The following RAPGEF4 variants were observed in gnomAD, a reference collection of about 807,000 sequenced individuals.
RAPGEF4 encodes Rap guanine nucleotide exchange factor 4, also known as RAP guanine-nucleotide-exchange factor (GEF) 4.
A neutral mutation model predicts 147.9 loss-of-function variants in RAPGEF4; 66 were observed. The ratio of observed to expected loss-of-function variants is 0.45; its 90% CI spans 0.37 to 0.55. The LOEUF is 0.55. RAPGEF4 is among the 20% of genes least tolerant of loss of function. The pLI, the probability that RAPGEF4 is intolerant of heterozygous loss-of-function variation, is 0.00. For missense variants in RAPGEF4, 1,071 were observed against 1,257.3 expected (o/e 0.85, Z 2.24); for synonymous variants, 419 against 442.7 (o/e 0.95, Z 0.67).
chr2:172,933,634 G>T (rs1055375017), intron 6 of RAPGEF4, among the ~76,000 whole-genome samples: 4 of 152,322 alleles, frequency 2.6e-5, no homozygotes, highest in Middle Eastern at 6.8e-3. Flanking sequence ...GTGTCTGAAA[G>T]AAATGAAATA....
chr2:173,034,040 C>A, intron 27 of RAPGEF4, 76 bp downstream of exon 27: 1 of 1,420,088 alleles, frequency 7.0e-7, no homozygotes, highest in South Asian at 1.3e-5. Flanking sequence ...TTGAAGTTCT[C>A]ATTTTGGAAA....
chr2:172,993,070 G>C (rs1338139575), intron 15 of RAPGEF4, among the ~76,000 whole-genome samples: 1 of 152,154 alleles, frequency 6.6e-6, no homozygotes, highest in East Asian at 1.9e-4. Flanking sequence ...CACCATGTTG[G>C]TGCTGCTAAT....
intron 4 of RAPGEF4, chr2:172,821,808 A>G (rs1689095003): frequency 7.4e-7 from 1 of 1,348,022 alleles, no homozygotes; most frequent in Non-Finnish European, 9.6e-7. Context: ...TTCCTGGAGA[A>G]CCATCAGCAC....
At chr2:173,013,990 C>T (rs759763188) in intron 17 of RAPGEF4, among the ~76,000 whole-genome samples, 10 of 152,268 alleles carry the variant, frequency 6.6e-5, no homozygotes, top group Non-Finnish European at 1.5e-4. Flanking sequence ...GCCATGGTCC[C>T]AGCAGGACTA....
At chr2:172,752,120 A>G (rs1418562805) in intron 1 of RAPGEF4, among the ~76,000 whole-genome samples, 1 of 8,296 alleles carries the variant, frequency 1.2e-4, no homozygotes, top group South Asian at 0.018. Context: ...GCTTTTGATC[A>G]TGGATGCTGA....
At chr2:172,788,007 C>T (rs1685395541) in intron 1 of RAPGEF4, among the ~76,000 whole-genome samples, 1 of 152,108 alleles carries the variant, frequency 6.6e-6, no homozygotes, top group Non-Finnish European at 1.5e-5. Context: ...GATCAAGATG[C>T]TGGTAGATTT....
chr2:172,736,279 G>A, intron 1 of RAPGEF4: 2 of 327,862 alleles, frequency 6.1e-6, no homozygotes, highest in South Asian at 2.1e-4. Flanking sequence ...AAAATGCAGC[G>A]CAGTAAGGGG....
At chr2:172,962,955 G>T (rs1032320679) in intron 8 of RAPGEF4, among the ~76,000 whole-genome samples, 2 of 152,040 alleles carry the variant, frequency 1.3e-5, no homozygotes, top group Admixed American at 6.6e-5. Context: ...GAAGAAAAAT[G>T]GTTTCATTGA....
At chr2:173,032,372 G>T (rs1485882958) in intron 26 of RAPGEF4, among the ~76,000 whole-genome samples, 1 of 152,152 alleles carries the variant, frequency 6.6e-6, no homozygotes, top group African/African-American at 2.4e-5. Flanking sequence ...TGCTCTAGAA[G>T]CATGGGGGGG....
At chr2:173,001,161 CA>C in intron 16 of RAPGEF4, 104 bp from the exon 17 acceptor site, 1 of 1,512,278 alleles carries the variant, frequency 6.6e-7, no homozygotes. Context: ...TGCCCCAAAC[CA>C]ATGTGTTAGA....
In RAPGEF4 at chr2:172,933,551, A is replaced by G. The variant is rs80019924; in HGVS notation, c.537+11251A>G. The stretch of plus-strand genomic sequence containing the variant: ...CTAATAATGATAAACATTAGACTAG[A>G]GAGTGATAATGAGATAGATGATAGG... On this transcript the variant is annotated intron_variant, in intron 6 of 30. Coordinates refer to ENST00000397081, the MANE Select transcript of RAPGEF4 (RefSeq NM_007023.4). 3.9e-3 allele frequency among the ~76,000 whole-genome samples: 588 copies of G among 152,302 alleles called. 12 individuals carry two copies. In the East Asian group the frequency reaches 0.078, roughly 20 times the overall value.
Position 173,017,475 on chromosome 2 carries a change from A to G in RAPGEF4, c.1979A>G (p.Lys660Arg). 1 of 1,614,176 alleles carries G rather than the reference A, an allele frequency of 6.2e-7. No homozygotes were observed. The highest frequency in any genetic ancestry group is 8.5e-7 in the Non-Finnish European group (1 of 1,180,012). Residue 660 changes from lysine to arginine, a missense_variant, in exon 21 of 31, where the codon AAG becomes AGG. Transcript: ENST00000397081. ...AATACGGGCGATGAGAGAGCCCAGA[A>G]GCGCCAGCCTATCCGCGGCTCTGAT... ...QFNTGDERAQ[K>R]RQPIRGSDEV...
intron 4 of RAPGEF4, among the ~76,000 whole-genome samples, chr2:172,913,752 T>C (rs1296828185): frequency 1.3e-5 from 2 of 152,216 alleles, no homozygotes; most frequent in Non-Finnish European, 2.9e-5. Context: ...TGAAATCTAT[T>C]AGAGAGTTTA....
At chr2:172,869,728 T>A (rs1695008030) in intron 4 of RAPGEF4, among the ~76,000 whole-genome samples, 1 of 152,194 alleles carries the variant, frequency 6.6e-6, no homozygotes, top group Admixed American at 6.5e-5. Context: ...TATAAGTATA[T>A]TTCTGTTATT....
intron 6 of RAPGEF4, among the ~76,000 whole-genome samples, chr2:172,952,489 G>A (rs540526203): frequency 3.4e-4 from 52 of 152,290 alleles, no homozygotes; most frequent in African/African-American, 1.1e-3. Flanking sequence ...GAGACACACC[G>A]TAATGGGCAG....
intron 1 of RAPGEF4, 27 bp downstream of exon 1, chr2:172,736,075 G>A (rs1366618336): frequency 6.9e-7 from 1 of 1,453,168 alleles, no homozygotes; most frequent in Non-Finnish European, 9.1e-7. Context: ...CGCAGCCGGG[G>A]GCCGAGCTCT....
intron 10 of RAPGEF4, among the ~76,000 whole-genome samples, chr2:172,967,859 C>T (rs1383406981): frequency 2.6e-5 from 4 of 152,226 alleles, no homozygotes; most frequent in African/African-American, 2.4e-5. Flanking sequence ...TTCCTTCACT[C>T]ATTCAGCACA....
intron 4 of RAPGEF4, among the ~76,000 whole-genome samples, chr2:172,897,399 T>A (rs533325062): frequency 2.6e-5 from 4 of 151,554 alleles, no homozygotes; most frequent in Admixed American, 6.6e-5. Flanking sequence ...TTTTTAAAAA[T>A]ATATATATAT....
At chr2:172,953,040 C>T (rs1688366473) in intron 6 of RAPGEF4, among the ~76,000 whole-genome samples, 3 of 152,028 alleles carry the variant, frequency 2.0e-5, no homozygotes, top group Admixed American at 6.6e-5. Flanking sequence ...GCGCTTCCTT[C>T]GTCCGGTTTT....
Sources: gnomAD v4.1 joint callset for allele counts (sites outside exome capture counted in the v4.1 genomes callset) on GRCh38, gnomAD v4.1.1 for gene constraint, MANE v1.5 for transcripts, NCBI Gene and HGNC (gene_info 2026-07-23, HGNC 2026-07-21) for gene names.